The following ARFGEF1 variants were observed in gnomAD, a reference collection of about 807,000 sequenced individuals.
ARFGEF1 encodes the protein brefeldin A-inhibited guanine nucleotide-exchange protein 1.
ARFGEF1 carries 42 observed loss-of-function variants against 231.0 expected under a neutral mutation model. The observed-to-expected ratio is 0.18, with a 90% CI of 0.14 to 0.24. The LOEUF (loss-of-function observed/expected upper bound fraction) is 0.24. ARFGEF1 is among the 10% of genes least tolerant of loss of function. ARFGEF1 has a pLI of 1.00. For missense variants in ARFGEF1, 1,345 were observed against 2,192.0 expected (o/e 0.61, Z 7.72); for synonymous variants, 710 against 732.3 (o/e 0.97, Z 0.49).
intron 29 of ARFGEF1, among the ~76,000 whole-genome samples, chr8:67,220,950 TAC>T (rs1202367891): frequency 6.6e-6 from 1 of 150,600 alleles, no homozygotes; most frequent in African/African-American, 2.4e-5. Flanking sequence ...GGAAAAATAA[TAC>T]AGTCATGTGC....
chr8:67,259,466 G>C (rs1006060053), intron 15 of ARFGEF1, among the ~76,000 whole-genome samples: 10 of 152,104 alleles, frequency 6.6e-5, no homozygotes, highest in Non-Finnish European at 1.3e-4. Context: ...GACCTCAGGT[G>C]ATCTACCCGC....
intron 1 of ARFGEF1, among the ~76,000 whole-genome samples, chr8:67,323,840 G>A (rs552921440): frequency 1.3e-5 from 2 of 149,384 alleles, no homozygotes; most frequent in African/African-American, 4.9e-5. Flanking sequence ...TTGCTCTGTT[G>A]CCCAGGCTGA....
Position 67,260,165 on chromosome 8 carries a change from C to T in ARFGEF1, c.2124-239G>A, listed in dbSNP as rs186104440. Among the ~76,000 whole-genome samples, 294 of 152,220 alleles carry T rather than the reference C, an allele frequency of 1.9e-3. 3 individuals carry two copies. The highest frequency in any genetic ancestry group is 6.2e-3 in the African/African-American group (258 of 41,544). On this transcript the variant is annotated intron_variant, in intron 14 of 38. Transcript: ENST00000262215. ...TACTATCATTTCACTGACTTGTTTA[C>T]TTACTTTTTTACAGTATGAAGTATT...
intron 5 of ARFGEF1, among the ~76,000 whole-genome samples, chr8:67,183,271 A>G (rs138069870): frequency 1.3e-5 from 2 of 152,346 alleles, no homozygotes; most frequent in African/African-American, 4.8e-5. Context: ...GACGTAGTTG[A>G]GTTCAGCAAC....
intron 7 of ARFGEF1, among the ~76,000 whole-genome samples, chr8:67,284,635 A>C (rs1805674732): frequency 6.6e-6 from 1 of 152,196 alleles, no homozygotes; most frequent in South Asian, 2.1e-4. Flanking sequence ...CAATGTAGGA[A>C]ACGGAAGATA....
Position 67,343,520 on chromosome 8 carries a change from G to A in ARFGEF1, c.-233C>T. On this transcript the variant is annotated 5_prime_UTR_variant, in exon 1 of 39. Coordinates refer to ENST00000262215, the MANE Select transcript of ARFGEF1 (RefSeq NM_006421.5). ...CCCAAGAAGCCGTACCTCGAGGGCC[G>A]CGCCCGTCGGGCCTCCGCTTCTCCC... 8.4e-7 allele frequency: 1 copy of A among 1,188,664 alleles called. No individual in the cohort carries two copies. Among genetic ancestry groups the A allele is most frequent in the Non-Finnish European group, 1.0e-6 (1 of 957,904 alleles). 73.6% of individuals were successfully genotyped at this position (1,188,664 alleles called of 1,614,324 possible).
Position 67,281,689 on chromosome 8 carries a change from T to C in ARFGEF1, c.1028-4232A>G, listed in dbSNP as rs184380441. On this transcript the variant is annotated intron_variant, in intron 7 of 38. Coordinates refer to ENST00000262215, the MANE Select transcript of ARFGEF1 (RefSeq NM_006421.5). ...AATATCATTATTCACTTAGAAAAAA[T>C]AGCCAAATGAAAAACTTTTAGAAAT... 6.9e-3 allele frequency among the ~76,000 whole-genome samples: 1,053 copies of C among 151,864 alleles called. 8 individuals carry two copies. The highest frequency in any genetic ancestry group is 0.024 in the African/African-American group (1,010 of 41,430).
chr8:67,181,893 C>G (rs939186804), intron 5 of ARFGEF1, among the ~76,000 whole-genome samples: 2 of 152,210 alleles, frequency 1.3e-5, no homozygotes, highest in African/African-American at 4.8e-5. Context: ...TTTGACTACT[C>G]TAGGACCTCA....
At position 67,301,354 on chromosome 8, in the gene ARFGEF1, C is replaced by T. The variant is rs2128915477; in HGVS notation, c.182G>A (p.Gly61Glu). 1.2e-6 allele frequency: 2 copies of T among 1,613,452 alleles called. No homozygotes were observed. Among genetic ancestry groups the T allele is most frequent in the Non-Finnish European group, 8.5e-7 (1 of 1,179,812 alleles). The change falls in exon 3 of 39, where the codon GGA (glycine) becomes GAA (glutamate). Residue 61 changes from glycine (G) to glutamate (E), a missense_variant. This residue lies in a region of ARFGEF1 where 398 missense variants were observed against 463.2 expected (regional missense o/e 0.86). Transcript: ENST00000262215. ...QSPPHGEAKA[G>E]SSTLPPVKSK... ...TTTCACTGGTGGAAGGGTGCTTGATCCAGCTTTTGCTTCTCCATGAGGAGG... is the reference window on the plus strand; with the variant it reads ...TTTCACTGGTGGAAGGGTGCTTGATTCAGCTTTTGCTTCTCCATGAGGAGG...
At chr8:67,259,360 G>A (rs1436119629) in intron 15 of ARFGEF1, among the ~76,000 whole-genome samples, 1 of 152,124 alleles carries the variant, frequency 6.6e-6, no homozygotes, top group Admixed American at 6.5e-5. Flanking sequence ...CTGAGTAGCT[G>A]GGATTACAGG....
At chr8:67,203,773 CT>C (rs1838416220) in intron 35 of ARFGEF1, among the ~76,000 whole-genome samples, 1 of 152,244 alleles carries the variant, frequency 6.6e-6, no homozygotes. Context: ...TGGTAGATGA[CT>C]TTTCTTCCCA....
chr8:67,204,900 T>G (rs1276030085), intron 34 of ARFGEF1, 81 bp from the exon 35 acceptor site: 2 of 1,514,558 alleles, frequency 1.3e-6, no homozygotes, highest in African/African-American at 2.7e-5. Flanking sequence ...ATTACAATGC[T>G]AAGGAAACAT....
At chr8:67,341,769 T>C (rs966176115) in intron 1 of ARFGEF1, among the ~76,000 whole-genome samples, 1 of 152,172 alleles carries the variant, frequency 6.6e-6, no homozygotes, top group East Asian at 1.9e-4. Context: ...ATAAATACAG[T>C]TTTTGCCACT....
rs1173562448 is a variant in ARFGEF1 at position 67,212,229 on chromosome 8, T to G, written c.4687-614A>C. Among the ~76,000 whole-genome samples the G allele has an allele frequency of 5.3e-5, 8 of 152,252 alleles. No individual in the cohort carries two copies. In the East Asian group the frequency reaches 1.4e-3, roughly 26 times the overall value. Reference sequence around the variant, plus strand: ...TCCCCAGCAGCTGGGATTATAGGCATGCACCACCATGCCCGGCTCATTTTG... The same window carrying G: ...TCCCCAGCAGCTGGGATTATAGGCAGGCACCACCATGCCCGGCTCATTTTG... On this transcript the variant is annotated intron_variant, in intron 33 of 38. Coordinates refer to ENST00000262215, the MANE Select transcript of ARFGEF1 (RefSeq NM_006421.5).
intron 28 of ARFGEF1, among the ~76,000 whole-genome samples, chr8:67,225,234 A>AT (rs1839331573): frequency 6.6e-6 from 1 of 152,226 alleles, no homozygotes; most frequent in African/African-American, 2.4e-5. Flanking sequence ...ATAACTGCCT[A>AT]TAAAGAGCTC....
At chr8:67,280,598 T>TA in intron 7 of ARFGEF1, among the ~76,000 whole-genome samples, 1 of 152,232 alleles carries the variant, frequency 6.6e-6, no homozygotes, top group East Asian at 1.9e-4. Context: ...GTAGAATATA[T>TA]AAAAAGTGTA....
rs1169124515 is a variant in ARFGEF1, at chr8:67,253,433, A to G, written c.2698+18T>C. 2 of 1,486,272 alleles carry G rather than the reference A, an allele frequency of 1.3e-6. No individual in the cohort carries two copies. Among genetic ancestry groups the G allele is most frequent in the Admixed American group, 1.9e-5 (1 of 51,670 alleles). 92.1% of individuals were successfully genotyped at this position (1,486,272 alleles called of 1,614,324 possible). A position where few individuals can be genotyped will look rare whatever the true frequency, so the allele number is the denominator to read the frequency against. ...TTTCCCCTTGAACAATCAGAATTCA[A>G]TTAATTTAGATACTTACTCTGTTTA... On this transcript the variant is annotated intron_variant, in intron 18 of 38. Transcript: ENST00000262215.
intron 5 of ARFGEF1, among the ~76,000 whole-genome samples, chr8:67,180,240 C>T (rs565981409): frequency 2.0e-5 from 3 of 152,268 alleles, no homozygotes; most frequent in East Asian, 1.9e-4. Flanking sequence ...CTGGTACATC[C>T]ATGCCATGGA....
At chr8:67,218,188 G>A (rs1316756598) in intron 30 of ARFGEF1, 50 bp from the exon 31 acceptor site, 7 of 353,898 alleles carry the variant, frequency 2.0e-5, no homozygotes, top group Non-Finnish European at 2.1e-5. Flanking sequence ...CAACTACTAT[G>A]ATTAAAAAAA....
Sources: allele counts gnomAD v4.1 joint callset (sites outside exome capture counted in the v4.1 genomes callset), GRCh38; gene constraint gnomAD v4.1.1; regional missense constraint gnomAD v4.1.1; transcripts MANE v1.5; gene names NCBI Gene and HGNC (gene_info 2026-07-23, HGNC 2026-07-21).